Variants in PCDHA8 observed in about 807,000 individuals in gnomAD.
PCDHA8 encodes protocadherin alpha-8.
In PCDHA8, 53 loss-of-function variants were observed where a neutral mutation model predicts 61.8. That is an observed-to-expected ratio of 0.86 (90% CI 0.69 to 1.08). The LOEUF (loss-of-function observed/expected upper bound fraction) is 1.08. Ranked by LOEUF, PCDHA8 falls within the 50% of genes least tolerant of loss-of-function variation. PCDHA8 has a pLI of 0.00. For synonymous variants in PCDHA8, 618 were observed against 556.6 expected, an observed-to-expected ratio of 1.11 and a Z score of -1.55; for missense variants, 1,293 against 1,245.0, an observed-to-expected ratio of 1.04 and a Z score of -0.58.
At chr5:140,848,643 C>T in intron 1 of PCDHA8, 1 of 1,593,248 alleles carries the variant, frequency 6.3e-7, no homozygotes, top group East Asian at 2.2e-5. Flanking sequence ...CCGCATCGCG[C>T]AGGACCTGGG....
At chr5:140,848,364 G>T in intron 1 of PCDHA8, 1 of 1,077,714 alleles carries the variant, frequency 9.3e-7, no homozygotes, top group South Asian at 1.6e-5. Flanking sequence ...CCATGGGAAA[G>T]AGGCTCAATT....
intron 1 of PCDHA8, chr5:140,968,073 A>G: frequency 6.2e-7 from 1 of 1,614,142 alleles, no homozygotes; most frequent in African/African-American, 1.3e-5. Flanking sequence ...GCTGTCTACA[A>G]CATCACGGTG....
chr5:140,869,451 T>C, intron 1 of PCDHA8: 1 of 1,614,146 alleles, frequency 6.2e-7, no homozygotes, highest in Non-Finnish European at 8.5e-7. Context: ...CGCTGCAGGT[T>C]TTCCATGTGA....
chr5:140,987,007 A>C (rs2097221901), intron 3 of PCDHA8, among the ~76,000 whole-genome samples: 1 of 152,142 alleles, frequency 6.6e-6, no homozygotes, highest in African/African-American at 2.4e-5. Context: ...TGAGGTCATG[A>C]GTTCGAGACC....
chr5:140,924,132 T>C (rs1417924703), intron 1 of PCDHA8, among the ~76,000 whole-genome samples: 1 of 152,246 alleles, frequency 6.6e-6, no homozygotes, highest in East Asian at 1.9e-4. Flanking sequence ...TTAGCAGCAT[T>C]AATTTAAAAT....
intron 1 of PCDHA8, chr5:140,928,905 G>T: frequency 6.2e-7 from 1 of 1,614,138 alleles, no homozygotes; most frequent in South Asian, 1.1e-5. Flanking sequence ...AAGATGTCTG[G>T]GAACCAGGAG....
rs543488933 is a variant in PCDHA8, at chr5:140,915,492, A to G, written c.2395-63457A>G. The stretch of plus-strand genomic sequence containing the variant: ...TGAAGGAGCTTGGGCCTCAATCCCA[A>G]TAATACTGTGGTTTTTGCAGACTAG... On this transcript the variant is annotated intron_variant, in intron 1 of 3. Coordinates refer to ENST00000531613, the MANE Select transcript of PCDHA8 (RefSeq NM_018911.3). 2.0e-5 allele frequency among the ~76,000 whole-genome samples: 3 copies of G among 152,232 alleles called. No homozygotes were observed. The South Asian group carries it at 6.2e-4, about 32-fold the overall frequency.
chr5:140,926,857 T>C (rs782114974), intron 1 of PCDHA8: 12 of 1,520,736 alleles, frequency 7.9e-6, no homozygotes, highest in Admixed American at 2.2e-5. Context: ...ACCGTTGGTG[T>C]AGCGTGTTGG....
At chr5:140,915,107 C>T (rs1461317939) in intron 1 of PCDHA8, among the ~76,000 whole-genome samples, 1 of 151,880 alleles carries the variant, frequency 6.6e-6, no homozygotes, top group African/African-American at 2.4e-5. Flanking sequence ...CACCACAACA[C>T]CCACCTAATT....
At chr5:140,848,730 C>A (rs2150418805) in intron 1 of PCDHA8, 1 of 1,592,792 alleles carries the variant, frequency 6.3e-7, no homozygotes, top group Non-Finnish European at 8.6e-7. Context: ...GGAGGTAAAT[C>A]TGCAGAATGG....
chr5:140,882,262 G>A (rs907928710), intron 1 of PCDHA8: 14 of 1,605,126 alleles, frequency 8.7e-6, no homozygotes, highest in Non-Finnish European at 1.2e-5. Flanking sequence ...GGTTTTTGGA[G>A]TGTACCATGC....
At chr5:140,863,270 T>C (rs1554158046) in intron 1 of PCDHA8, 1 of 1,459,904 alleles carries the variant, frequency 6.8e-7, no homozygotes, top group Admixed American at 1.8e-5. Flanking sequence ...GAGGCAGCGC[T>C]GGTGGATGTC....
chr5:140,842,923 G>A lies in PCDHA8; in HGVS notation c.1602G>A (p.Gln534=), dbSNP rs1454806269. 6.3e-7 allele frequency: 1 copy of A among 1,594,526 alleles called. No homozygotes were observed. The highest frequency in any genetic ancestry group is 8.6e-7 in the Non-Finnish European group (1 of 1,165,482). ...DHEELELLQF[Q]VSARDAGVPP... is the part of the protein sequence containing the mutation. Reference sequence around the variant, plus strand: ...AGGAGCTAGAGCTGCTGCAGTTCCAGGTGAGCGCGCGCGACGCGGGCGTGC... The same window carrying A: ...AGGAGCTAGAGCTGCTGCAGTTCCAAGTGAGCGCGCGCGACGCGGGCGTGC... The change falls in exon 1 of 4, where the codon CAG becomes CAA. Residue 534 remains glutamine (Q), a synonymous_variant. Coordinates refer to ENST00000531613, the MANE Select transcript of PCDHA8 (RefSeq NM_018911.3).
chr5:140,862,658 G>A (rs547936781), intron 1 of PCDHA8: 19 of 545,608 alleles, frequency 3.5e-5, no homozygotes, highest in Admixed American at 1.9e-4. Flanking sequence ...GCGCGGGACC[G>A]GGACGCGCAG....
chr5:140,842,599 C>T lies in PCDHA8; in HGVS notation c.1278C>T (p.Thr426=), dbSNP rs1460884024. ...TGTCGGCCTATGAGTTGGTGGTAAC[C>T]GCGCGGGACGGGGGCTCGCCTTCGC... ...ERVSAYELVV[T]ARDGGSPSLW... is the part of the protein sequence containing the mutation. The change falls in exon 1 of 4, where the codon ACC becomes ACT. Residue 426 remains threonine, a synonymous_variant. Transcript: ENST00000531613. The T allele has an allele frequency of 1.9e-6, 3 of 1,595,874 alleles. No homozygotes were observed. The highest frequency in any genetic ancestry group is 1.3e-5 in the African/African-American group (1 of 74,316).
At chr5:141,001,143 G>T (rs1310182286) in intron 3 of PCDHA8, among the ~76,000 whole-genome samples, 1 of 151,914 alleles carries the variant, frequency 6.6e-6, no homozygotes, top group Admixed American at 6.5e-5. Context: ...ATCTTCTGTT[G>T]CTCTGATCTT....
At position 141,011,045 on chromosome 5, in the gene PCDHA8, G is replaced by A. The variant is rs949707438; in HGVS notation, c.*1108G>A. 2 of 153,712 alleles carry A rather than the reference G, an allele frequency of 1.3e-5. No individual in the cohort carries two copies. Among genetic ancestry groups the A allele is most frequent in the African/African-American group, 4.8e-5 (2 of 41,422 alleles). The allele number at this position is 153,712 out of a possible 1,614,324, so 9.5% of individuals were successfully genotyped here. ...CAGCTTTACTCTTTCAGGTCACTCT[G>A]GGGCTGCCTCTTGCATGTATTACTA... On this transcript the variant is annotated 3_prime_UTR_variant, in exon 4 of 4. Coordinates refer to ENST00000531613, the MANE Select transcript of PCDHA8 (RefSeq NM_018911.3).
At chr5:140,962,318 A>G (rs2095672102) in intron 1 of PCDHA8, among the ~76,000 whole-genome samples, 1 of 152,338 alleles carries the variant, frequency 6.6e-6, no homozygotes, top group South Asian at 2.1e-4. Context: ...GGCCATCTCA[A>G]TTGAGAATAC....
intron 1 of PCDHA8, chr5:140,928,142 C>T (rs2084978114): frequency 1.9e-6 from 3 of 1,614,170 alleles, no homozygotes; most frequent in East Asian, 2.2e-5. Flanking sequence ...CTGATCACGG[C>T]CTCAGATAGT....
Sources: allele counts gnomAD v4.1 joint callset (sites outside exome capture counted in the v4.1 genomes callset), GRCh38; gene constraint gnomAD v4.1.1; transcripts MANE v1.5; gene names NCBI Gene and HGNC (gene_info 2026-07-23, HGNC 2026-07-21).